The following NPSR1 variants were observed in gnomAD, a reference collection of about 807,000 sequenced individuals.
NPSR1 encodes neuropeptide S receptor.
NPSR1 carries 48 observed loss-of-function variants against 46.9 expected under a neutral mutation model. The observed-to-expected ratio is 1.02, with a 90% CI of 0.81 to 1.30. The LOEUF (loss-of-function observed/expected upper bound fraction) is 1.30. NPSR1 is among the 50% of genes most tolerant of loss of function. The pLI, the probability that NPSR1 is intolerant of heterozygous loss-of-function variation, is 0.00. For synonymous variants in NPSR1, 176 were observed against 168.1 expected (o/e 1.05, Z -0.36); for missense variants, 450 against 449.5 (o/e 1.00, Z -0.01).
chr7:34,819,106 A>G (rs1789414741), intron 4 of NPSR1, among the ~76,000 whole-genome samples: 1 of 152,250 alleles, frequency 6.6e-6, no homozygotes, highest in Non-Finnish European at 1.5e-5. Context: ...GCACAGCAAA[A>G]GAAACTACCA....
intron 2 of NPSR1, among the ~76,000 whole-genome samples, chr7:34,722,802 A>T (rs2128708611): frequency 6.6e-6 from 1 of 152,340 alleles, no homozygotes; most frequent in Non-Finnish European, 1.5e-5. Context: ...GTCAGCATCA[A>T]CATGGAGGGA....
intron 2 of NPSR1, chr7:34,685,655 A>G (rs960177844): frequency 4.9e-6 from 2 of 410,866 alleles, no homozygotes; most frequent in Non-Finnish European, 9.5e-6. Context: ...GTCTTGAGCC[A>G]TAATATTTCA....
intron 3 of NPSR1, among the ~76,000 whole-genome samples, chr7:34,785,937 T>G (rs1490015694): frequency 2.6e-5 from 4 of 152,192 alleles, no homozygotes; most frequent in Non-Finnish European, 2.9e-5. Context: ...GCCTTTTTAC[T>G]GTTGGAAGGT....
At chr7:34,842,212 C>A (rs1197050852) in intron 6 of NPSR1, among the ~76,000 whole-genome samples, 1 of 152,176 alleles carries the variant, frequency 6.6e-6, no homozygotes, top group African/African-American at 2.4e-5. Context: ...AATGGGAGAA[C>A]TGAAGCCGGG....
rs1205534405 is a variant in NPSR1 at position 34,811,838 on chromosome 7, C to T, written c.453C>T (p.Val151=). ...GCATAGACAGATACCATGCCATCGT[C>T]TACCCCATGAAGTTCCTTCAAGGAG... ...SLSIDRYHAI[V]YPMKFLQGEK... The change falls in exon 4 of 9, where the codon GTC becomes GTT. Residue 151 remains valine (V), a synonymous_variant. Transcript: ENST00000360581. 6.2e-7 allele frequency: 1 copy of T among 1,613,676 alleles called. No homozygotes were observed.
At chr7:34,693,782 G>A (rs111970227) in intron 2 of NPSR1, among the ~76,000 whole-genome samples, 2,240 of 152,198 alleles carry the variant, frequency 0.015, 52 homozygotes, top group African/African-American at 0.052. Context: ...CCAACAGCAT[G>A]TTAAAAAGAT....
At chr7:34,791,014 T>C (rs1304078003) in intron 3 of NPSR1, among the ~76,000 whole-genome samples, 3 of 114,926 alleles carry the variant, frequency 2.6e-5, no homozygotes, top group African/African-American at 1.3e-4. Context: ...ATATGTTATA[T>C]TATATATGTT....
chr7:34,756,945 G>T (rs998288354), intron 2 of NPSR1, among the ~76,000 whole-genome samples: 1 of 152,128 alleles, frequency 6.6e-6, no homozygotes, highest in East Asian at 1.9e-4. Context: ...ACCACAAAAG[G>T]CTGAAATTAT....
intron 7 of NPSR1, among the ~76,000 whole-genome samples, chr7:34,846,238 C>G (rs1232376877): frequency 6.6e-6 from 1 of 152,142 alleles, no homozygotes; most frequent in Non-Finnish European, 1.5e-5. Flanking sequence ...GTCCCAGAGC[C>G]TGCATAGCCC....
At chr7:34,676,125 G>T (rs1792305098) in intron 1 of NPSR1, among the ~76,000 whole-genome samples, 3 of 152,108 alleles carry the variant, frequency 2.0e-5, no homozygotes, top group African/African-American at 7.2e-5. Flanking sequence ...ACTCTGAAAA[G>T]GCAGTGAGTT....
chr7:34,677,400 A>G (rs1792372493), intron 1 of NPSR1, among the ~76,000 whole-genome samples: 2 of 152,242 alleles, frequency 1.3e-5, no homozygotes, highest in African/African-American at 4.8e-5. Flanking sequence ...GGAAAGGAGA[A>G]CATGAAAGAG....
chr7:34,876,753 T>A (rs1481990903), intron 8 of NPSR1, among the ~76,000 whole-genome samples: 1 of 152,214 alleles, frequency 6.6e-6, no homozygotes, highest in Non-Finnish European at 1.5e-5. Flanking sequence ...TCTTGAGTCA[T>A]GACCTCTATG....
At chr7:34,697,720 G>C in intron 2 of NPSR1, among the ~76,000 whole-genome samples, 1 of 151,618 alleles carries the variant, frequency 6.6e-6, no homozygotes, top group Non-Finnish European at 1.5e-5. Flanking sequence ...GCAGTTGATA[G>C]AATCCATGGA....
At chr7:34,791,041 A>ATG (rs1473476411) in intron 3 of NPSR1, among the ~76,000 whole-genome samples, 10 of 123,420 alleles carry the variant, frequency 8.1e-5, no homozygotes, top group African/African-American at 3.1e-4. Context: ...TATATATTAT[A>ATG]TTATATATGT....
chr7:34,679,211 T>C (rs925874680), intron 1 of NPSR1, among the ~76,000 whole-genome samples: 2 of 152,114 alleles, frequency 1.3e-5, no homozygotes, highest in African/African-American at 4.8e-5. Flanking sequence ...AAACAAACTT[T>C]AAAAACCTTG....
chr7:34,707,473 C>T (rs1489911960), intron 2 of NPSR1, among the ~76,000 whole-genome samples: 2 of 152,206 alleles, frequency 1.3e-5, no homozygotes, highest in Admixed American at 1.3e-4. Context: ...TTCCCTGCCT[C>T]ACTCAGTTTC....
At chr7:34,702,716 G>A (rs945048592) in intron 2 of NPSR1, among the ~76,000 whole-genome samples, 2 of 152,166 alleles carry the variant, frequency 1.3e-5, no homozygotes, top group African/African-American at 4.8e-5. Flanking sequence ...TAGCAATCCT[G>A]CAATAAACAT....
chr7:34,795,611 G>A (rs951811794), intron 3 of NPSR1, among the ~76,000 whole-genome samples: 4 of 151,830 alleles, frequency 2.6e-5, no homozygotes, highest in African/African-American at 7.3e-5. Flanking sequence ...CTATATAACC[G>A]CAATAAACAA....
rs324980 is a variant in NPSR1 at position 34,778,165 on chromosome 7, G to A, written c.281-297G>A. On this transcript the variant is annotated intron_variant, in intron 2 of 8. Transcript: ENST00000360581. ...TCTTTAGTACAGACCTACATACCCC[G>A]AAAACTTCTGTTCTGTGACTTAAAA... is the stretch of plus-strand genomic sequence containing the variant. 7.7e-3 allele frequency among the ~76,000 whole-genome samples: 1,170 copies of A among 152,132 alleles called. 11 individuals carry two copies. Among genetic ancestry groups the A allele is most frequent in the African/African-American group, 0.027 (1,121 of 41,518 alleles).
Sources: gnomAD v4.1 joint callset for allele counts (sites outside exome capture counted in the v4.1 genomes callset) on GRCh38, gnomAD v4.1.1 for gene constraint, MANE v1.5 for transcripts, NCBI Gene and HGNC (gene_info 2026-07-23, HGNC 2026-07-21) for gene names.